GAREM1: variants seen among roughly 807,000 people sequenced by gnomAD.
The protein encoded by GAREM1 is GRB2-associated and regulator of MAPK protein 1.
A neutral mutation model predicts 71.3 loss-of-function variants in GAREM1; 26 were observed. The observed-to-expected ratio is 0.36, with a 90% CI of 0.27 to 0.51. The LOEUF (loss-of-function observed/expected upper bound fraction) is 0.51. Among genes scored for constraint, GAREM1 ranks in the 20% least tolerant of loss-of-function variants. The pLI is 0.95. For synonymous variants in GAREM1, 440 were observed against 433.2 expected (o/e 1.02, Z -0.20); for missense variants, 1,026 against 1,103.1 (o/e 0.93, Z 0.99).
rs2041368183 is a variant in GAREM1 at position 32,265,964 on chromosome 18, A to C, written c.*1907T>G. On this transcript the variant is annotated 3_prime_UTR_variant, in exon 6 of 6. Coordinates refer to ENST00000269209, the MANE Select transcript of GAREM1 (RefSeq NM_001242409.2). ...TCACACAGAAGGATGCTTTCAAAAC[A>C]CGAAAGCTTCATAGGTCTCATGTCC... 6.6e-6 allele frequency: 1 copy of C among 152,196 alleles called. No individual in the cohort carries two copies. Among genetic ancestry groups the C allele is most frequent in the African/African-American group, 2.4e-5 (1 of 41,458 alleles). 9.4% of individuals were successfully genotyped at this position (152,196 alleles called of 1,614,324 possible). A position where few individuals can be genotyped will look rare whatever the true frequency, so the allele number is the denominator to read the frequency against.
intron 1 of GAREM1, among the ~76,000 whole-genome samples, chr18:32,449,091 C>T (rs995448116): frequency 3.3e-5 from 5 of 152,142 alleles, no homozygotes; most frequent in East Asian, 3.9e-4. Flanking sequence ...GAACTGCCTC[C>T]GTTGCTGGCT....
chr18:32,388,543 C>G (rs576873461), intron 2 of GAREM1, among the ~76,000 whole-genome samples: 5 of 152,186 alleles, frequency 3.3e-5, no homozygotes, highest in African/African-American at 9.6e-5. Flanking sequence ...ATACGTTAAC[C>G]AAGTGATCAA....
chr18:32,396,586 C>A (rs2048258794), intron 1 of GAREM1, among the ~76,000 whole-genome samples: 1 of 151,540 alleles, frequency 6.6e-6, no homozygotes, highest in African/African-American at 2.4e-5. Context: ...TGAAATGAAG[C>A]GAGAAGAGAA....
At chr18:32,307,535 C>G (rs543614080) in intron 3 of GAREM1, among the ~76,000 whole-genome samples, 162 of 152,130 alleles carry the variant, frequency 1.1e-3, no homozygotes, top group Non-Finnish European at 1.9e-3. Flanking sequence ...TTTTTGTTTT[C>G]TTTTTAAGAT....
intron 1 of GAREM1, among the ~76,000 whole-genome samples, chr18:32,462,326 G>A (rs1054386597): frequency 3.3e-4 from 50 of 152,104 alleles, no homozygotes; most frequent in African/African-American, 1.2e-3. Context: ...GAGTAACATC[G>A]ATCTCACTGC....
At chr18:32,455,586 G>A (rs1292531249) in intron 1 of GAREM1, among the ~76,000 whole-genome samples, 1 of 152,058 alleles carries the variant, frequency 6.6e-6, no homozygotes, top group African/African-American at 2.4e-5. Flanking sequence ...AAACTTAACT[G>A]CCAAAGCATC....
intron 4 of GAREM1, among the ~76,000 whole-genome samples, chr18:32,281,491 A>C (rs963818252): frequency 1.3e-5 from 2 of 152,196 alleles, no homozygotes; most frequent in African/African-American, 4.8e-5. Flanking sequence ...CTTAGTCCCT[A>C]AACTCTGTTT....
intron 1 of GAREM1, among the ~76,000 whole-genome samples, chr18:32,457,224 A>AGGGTGT (rs1309543369): frequency 1.9e-5 from 2 of 107,360 alleles, no homozygotes; most frequent in Non-Finnish European, 3.7e-5. Flanking sequence ...AGAGAGAGAG[A>AGGGTGT]GAGTGTGTGT....
intron 2 of GAREM1, among the ~76,000 whole-genome samples, chr18:32,336,450 A>AG: frequency 6.7e-6 from 1 of 150,048 alleles, no homozygotes; most frequent in Admixed American, 6.6e-5. Flanking sequence ...AAAAAAAAAA[A>AG]TCATACAGTA....
At chr18:32,301,005 A>G (rs1038771847) in intron 3 of GAREM1, among the ~76,000 whole-genome samples, 1 of 152,154 alleles carries the variant, frequency 6.6e-6, no homozygotes, top group African/African-American at 2.4e-5. Flanking sequence ...GCAACTTTTA[A>G]AACGGCAACA....
chr18:32,435,871 A>C (rs904956964), intron 1 of GAREM1, among the ~76,000 whole-genome samples: 3 of 152,120 alleles, frequency 2.0e-5, no homozygotes, highest in South Asian at 2.1e-4. Context: ...AATCTTAGCT[A>C]ATCTTATTAC....
chr18:32,289,810 C>T (rs966678739), intron 3 of GAREM1, among the ~76,000 whole-genome samples: 3 of 152,134 alleles, frequency 2.0e-5, no homozygotes, highest in Non-Finnish European at 4.4e-5. Flanking sequence ...CAGCTCCCCA[C>T]AGCAAAGAAT....
chr18:32,293,337 G>A (rs1320086943), intron 3 of GAREM1, among the ~76,000 whole-genome samples: 2 of 152,130 alleles, frequency 1.3e-5, no homozygotes, highest in Non-Finnish European at 1.5e-5. Context: ...AAAGTAAGGT[G>A]CTCATAAGAT....
chr18:32,331,299 C>CTTAGT (rs2047533096), intron 2 of GAREM1, among the ~76,000 whole-genome samples: 1 of 152,160 alleles, frequency 6.6e-6, no homozygotes, highest in Non-Finnish European at 1.5e-5. Flanking sequence ...TAACATTTCT[C>CTTAGT]TACATATACT....
intron 2 of GAREM1, among the ~76,000 whole-genome samples, chr18:32,330,109 G>A (rs987740058): frequency 5.9e-5 from 9 of 152,172 alleles, no homozygotes; most frequent in Non-Finnish European, 1.2e-4. Flanking sequence ...ATCAACATAA[G>A]GGCCCATCGA....
chr18:32,450,143 A>G (rs2048821638), intron 1 of GAREM1, among the ~76,000 whole-genome samples: 2 of 152,226 alleles, frequency 1.3e-5, no homozygotes, highest in African/African-American at 4.8e-5. Context: ...GAAAATTTTT[A>G]AAGATATTCT....
At chr18:32,284,591 C>T (rs2046990147) in intron 4 of GAREM1, among the ~76,000 whole-genome samples, 1 of 152,070 alleles carries the variant, frequency 6.6e-6, no homozygotes, top group East Asian at 1.9e-4. Flanking sequence ...ACATGAGTCC[C>T]CACTGTGTGC....
chr18:32,420,631 G>A (rs977778889), intron 1 of GAREM1, among the ~76,000 whole-genome samples: 2 of 152,010 alleles, frequency 1.3e-5, no homozygotes, highest in African/African-American at 2.4e-5. Context: ...ACAGAATCCC[G>A]GCTGACGCAG....
At chr18:32,412,444 T>C in intron 1 of GAREM1, 2 of 1,589,436 alleles carry the variant, frequency 1.3e-6, no homozygotes, top group African/African-American at 1.3e-5. Flanking sequence ...CCAAATCCAT[T>C]AGAGCCATCC....
Sources: gnomAD v4.1 joint callset for allele counts (sites outside exome capture counted in the v4.1 genomes callset) on GRCh38, gnomAD v4.1.1 for gene constraint, MANE v1.5 for transcripts, NCBI Gene and HGNC (gene_info 2026-07-23, HGNC 2026-07-21) for gene names.